The following DLGAP1 variants were observed in gnomAD, a reference collection of about 807,000 sequenced individuals.
DLGAP1 encodes DLG associated protein 1.
Under a neutral mutation model 90.8 loss-of-function variants are expected in DLGAP1, and 11 were observed. The ratio of observed to expected loss-of-function variants is 0.12; its 90% CI spans 0.08 to 0.20. The LOEUF is 0.20. Ranked by LOEUF, DLGAP1 falls within the 10% of genes least tolerant of loss-of-function variation. DLGAP1 has a pLI of 1.00. For synonymous variants in DLGAP1, 558 were observed against 540.7 expected, an observed-to-expected ratio of 1.03 and a Z score of -0.44; for missense variants, 1,050 against 1,333.8, an observed-to-expected ratio of 0.79 and a Z score of 3.31.
chr18:4,188,014 C>G (rs2077329574), intron 1 of DLGAP1, among the ~76,000 whole-genome samples: 1 of 151,936 alleles, frequency 6.6e-6, no homozygotes, highest in South Asian at 2.1e-4. Context: ...AAAACAAAAA[C>G]AAAACAAACC....
chr18:4,412,268 A>C (rs1255108138), intron 1 of DLGAP1, among the ~76,000 whole-genome samples: 1 of 152,140 alleles, frequency 6.6e-6, no homozygotes, highest in Non-Finnish European at 1.5e-5. Flanking sequence ...AAAATCGCTT[A>C]TCACTAGATT....
intron 2 of DLGAP1, among the ~76,000 whole-genome samples, chr18:4,099,545 T>C (rs1400521970): frequency 6.6e-6 from 1 of 152,108 alleles, no homozygotes; most frequent in East Asian, 1.9e-4. Flanking sequence ...TAATTAAAAA[T>C]ACTTTATTGC....
chr18:4,105,781 A>C (rs1256543351), intron 2 of DLGAP1, among the ~76,000 whole-genome samples: 1 of 152,196 alleles, frequency 6.6e-6, no homozygotes, highest in Non-Finnish European at 1.5e-5. Context: ...CTGTAATCCC[A>C]GCACTTTGGG....
intron 3 of DLGAP1, among the ~76,000 whole-genome samples, chr18:3,997,548 G>A (rs1007022561): frequency 4.6e-5 from 7 of 152,052 alleles, no homozygotes; most frequent in African/African-American, 1.7e-4. Flanking sequence ...CCTCTGTCCA[G>A]TGTATTTCCT....
intron 2 of DLGAP1, among the ~76,000 whole-genome samples, chr18:4,121,751 T>A (rs2144114872): frequency 6.6e-6 from 1 of 152,278 alleles, no homozygotes; most frequent in South Asian, 2.1e-4. Flanking sequence ...CCTGTACCCA[T>A]CGTGATAGTC....
chr18:4,110,860 G>A (rs2075960022), intron 2 of DLGAP1, among the ~76,000 whole-genome samples: 1 of 152,108 alleles, frequency 6.6e-6, no homozygotes, highest in African/African-American at 2.4e-5. Context: ...AAAGTCCCCT[G>A]AGATTCCTGG....
intron 11 of DLGAP1, among the ~76,000 whole-genome samples, chr18:3,507,356 C>G (rs1225439464): frequency 1.9e-5 from 2 of 105,308 alleles, no homozygotes; most frequent in African/African-American, 6.1e-5. Context: ...CAAAACAAAA[C>G]AAAACAAAAA....
At chr18:3,932,781 A>G (rs1194950740) in intron 3 of DLGAP1, among the ~76,000 whole-genome samples, 1 of 152,206 alleles carries the variant, frequency 6.6e-6, no homozygotes, top group Admixed American at 6.5e-5. Context: ...AACATAAAAC[A>G]CTTACTTAAA....
Position 3,879,655 on chromosome 18 carries a change from G to A in DLGAP1, c.414C>T (p.Ile138=). 6.2e-7 allele frequency: 1 copy of A among 1,605,906 alleles called. No individual in the cohort carries two copies. Among genetic ancestry groups the A allele is most frequent in the South Asian group, 1.1e-5 (1 of 90,972 alleles). ...VEHRSDSPGR[I]RHLVHSVQKL... Reference sequence around the variant, plus strand: ...TCTGGACCGAGTGCACCAGGTGGCGGATGCGGCCGGGGCTGTCGCTGCGGT... The same window carrying A: ...TCTGGACCGAGTGCACCAGGTGGCGAATGCGGCCGGGGCTGTCGCTGCGGT... Residue 138 remains isoleucine, a synonymous_variant, in exon 4 of 13, where the codon ATC becomes ATT. Coordinates refer to ENST00000315677, the MANE Select transcript of DLGAP1 (RefSeq NM_004746.4). This position sits in a 1 kb window ranked among gnomAD's most constrained non-coding sequence, Gnocchi z 6.6.
At chr18:3,808,748 G>A (rs1030621530) in intron 5 of DLGAP1, among the ~76,000 whole-genome samples, 1 of 151,978 alleles carries the variant, frequency 6.6e-6, no homozygotes, top group African/African-American at 2.4e-5. Flanking sequence ...GGAGGGGAGT[G>A]TATGACGTGA....
At chr18:4,351,653 T>G (rs1280019906) in intron 1 of DLGAP1, among the ~76,000 whole-genome samples, 1 of 152,234 alleles carries the variant, frequency 6.6e-6, no homozygotes, top group African/African-American at 2.4e-5. Flanking sequence ...TTCTGATTCC[T>G]GTCCAACATA....
chr18:4,017,347 T>G (rs1173270233), intron 2 of DLGAP1, among the ~76,000 whole-genome samples: 2 of 152,328 alleles, frequency 1.3e-5, no homozygotes, highest in East Asian at 3.9e-4. Flanking sequence ...GCTCAATAAA[T>G]ATTTGATAAA....
rs776214522 is a variant in DLGAP1, at chr18:3,656,185, C to T, written c.1591+72950G>A. The T allele has an allele frequency of 1.1e-4, 142 of 1,309,230 alleles. 1 individual carries two copies. The highest frequency in any genetic ancestry group is 1.8e-4 in the East Asian group (7 of 38,248). 81.1% of individuals were successfully genotyped at this position (1,309,230 alleles called of 1,614,324 possible). On this transcript the variant is annotated intron_variant, in intron 7 of 12. Transcript: ENST00000315677. ...CCTTTTCCAGGCTTCTCATAACACA[C>T]GCATGCTTCAGATTTGGATTTTTCT...
At chr18:3,800,123 T>C (rs1383010106) in intron 5 of DLGAP1, among the ~76,000 whole-genome samples, 1 of 152,230 alleles carries the variant, frequency 6.6e-6, no homozygotes, top group Non-Finnish European at 1.5e-5. Context: ...GCAGGTTTTA[T>C]GATTATACTT....
rs906831923 is a variant in DLGAP1 at position 3,946,566 on chromosome 18, T to C, written c.-73+58550A>G. Among the ~76,000 whole-genome samples, 10 of 152,194 alleles carry C rather than the reference T, an allele frequency of 6.6e-5. 1 individual carries two copies. The highest frequency in any genetic ancestry group is 5.9e-4 in the Admixed American group (9 of 15,280). On this transcript the variant is annotated intron_variant, in intron 3 of 12. Coordinates refer to ENST00000315677, the MANE Select transcript of DLGAP1 (RefSeq NM_004746.4). ...TCAATTATTTACACTATTATATTAG[T>C]GATGGGGGTTTTCTGGGAATTTACT...
At chr18:3,821,879 A>T in intron 4 of DLGAP1, 1 of 984,110 alleles carries the variant, frequency 1.0e-6, no homozygotes, top group Non-Finnish European at 1.2e-6. Flanking sequence ...GGGCTCTCAG[A>T]TTCCCTACTC....
chr18:3,540,250 T>C (rs1194768484), intron 9 of DLGAP1, among the ~76,000 whole-genome samples: 1 of 151,870 alleles, frequency 6.6e-6, no homozygotes, highest in East Asian at 1.9e-4. Flanking sequence ...GCAGATCACT[T>C]GAGGCCAGGA....
At chr18:4,248,993 C>T (rs2078716064) in intron 1 of DLGAP1, among the ~76,000 whole-genome samples, 1 of 152,212 alleles carries the variant, frequency 6.6e-6, no homozygotes, top group African/African-American at 2.4e-5. Flanking sequence ...CAGATACCCA[C>T]ATAGGGCACT....
At position 3,499,427 on chromosome 18, in the gene DLGAP1, A is replaced by G; in HGVS notation, c.2725-33T>C. 6.5e-7 allele frequency: 1 copy of G among 1,545,710 alleles called. No individual in the cohort carries two copies. Among genetic ancestry groups the G allele is most frequent in the Middle Eastern group, 1.7e-4 (1 of 5,922 alleles). On this transcript the variant is annotated intron_variant, in intron 12 of 12. Transcript: ENST00000315677. This position sits in a 1 kb window ranked among gnomAD's most constrained non-coding sequence, Gnocchi z 6.4. ...AAGCAGAAGGTTCAGGACATTACACAGCTTCTCAGGACAAGCTTGGGAAAA... is the reference window on the plus strand; with the variant it reads ...AAGCAGAAGGTTCAGGACATTACACGGCTTCTCAGGACAAGCTTGGGAAAA...
Sources: gnomAD v4.1 joint callset for allele counts (sites outside exome capture counted in the v4.1 genomes callset) on GRCh38, gnomAD v4.1.1 for gene constraint, Gnocchi (gnomAD v3.1) non-coding constraint, MANE v1.5 for transcripts, NCBI Gene and HGNC (gene_info 2026-07-23, HGNC 2026-07-21) for gene names.